ZNF827: variants seen among roughly 807,000 people sequenced by gnomAD.
The protein encoded by ZNF827 is zinc finger protein 827.
In ZNF827, 13 loss-of-function variants were observed where a neutral mutation model predicts 102.4. That is an observed-to-expected ratio of 0.13 (90% CI 0.08 to 0.20). The LOEUF is 0.20. Ranked by LOEUF, ZNF827 falls within the 10% of genes least tolerant of loss-of-function variation. ZNF827 has a pLI of 1.00. For synonymous variants in ZNF827, 523 were observed against 536.2 expected, an observed-to-expected ratio of 0.98 and a Z score of 0.34; for missense variants, 1,103 against 1,344.4, an observed-to-expected ratio of 0.82 and a Z score of 2.81.
At chr4:145,906,878 C>T (rs1751911453) in intron 1 of ZNF827, among the ~76,000 whole-genome samples, 1 of 152,192 alleles carries the variant, frequency 6.6e-6, no homozygotes, top group Non-Finnish European at 1.5e-5. Flanking sequence ...TGCAAGAAAA[C>T]TTGGATGCAT....
intron 7 of ZNF827, among the ~76,000 whole-genome samples, chr4:145,825,031 G>A (rs1257172984): frequency 6.6e-6 from 1 of 152,224 alleles, no homozygotes; most frequent in Non-Finnish European, 1.5e-5. Context: ...ACTGGCTATA[G>A]GCTAGTAGGA....
chr4:145,913,518 C>T (rs1477277266), intron 1 of ZNF827, among the ~76,000 whole-genome samples: 2 of 151,634 alleles, frequency 1.3e-5, no homozygotes, highest in Non-Finnish European at 2.9e-5. Context: ...TATACTCATC[C>T]TTACATCCTT....
chr4:145,913,412 T>A (rs1197230107), intron 1 of ZNF827, among the ~76,000 whole-genome samples: 1 of 108,302 alleles, frequency 9.2e-6, no homozygotes, highest in African/African-American at 4.2e-5. Context: ...GGCAACAGAG[T>A]GAGACCCTGT....
chr4:145,838,035 T>C lies in ZNF827; in HGVS notation c.2279+7921A>G, dbSNP rs184120208. ...ACACTATTTTGTTTTATTTTTCTTA[T>C]TAATATAAGAAGGCAGGAATGTCAG... On this transcript the variant is annotated intron_variant, in intron 7 of 14. Coordinates refer to ENST00000508784, the MANE Select transcript of ZNF827 (RefSeq NM_001306215.2). 9.6e-4 allele frequency among the ~76,000 whole-genome samples: 146 copies of C among 152,158 alleles called. 2 individuals are homozygous for C. Among genetic ancestry groups the C allele is most frequent in the African/African-American group, 3.4e-3 (143 of 41,484 alleles).
At position 145,768,914 on chromosome 4, in the gene ZNF827, T is replaced by TAA. The variant is rs1276060418; in HGVS notation, c.2861-3177_2861-3176insTT. On this transcript the variant is annotated intron_variant, in intron 11 of 14. Coordinates refer to ENST00000508784, the MANE Select transcript of ZNF827 (RefSeq NM_001306215.2). ...AAATATATATATATATATATATATA[T>TAA]ATTAGGTATACAAAGTTTGGAAATA... Among the ~76,000 whole-genome samples, 62 of 17,334 alleles carry TAA rather than the reference T, an allele frequency of 3.6e-3. 14 individuals are homozygous for TAA. The highest frequency in any genetic ancestry group is 0.026 in the East Asian group (7 of 272). The allele number at this position is 17,334 out of a possible 152,430, so 11.4% of individuals were successfully genotyped here. A position where few individuals can be genotyped will look rare whatever the true frequency, so the allele number is the denominator to read the frequency against.
At chr4:145,856,659 T>C (rs13117961) in intron 5 of ZNF827, among the ~76,000 whole-genome samples, 1 of 149,406 alleles carries the variant, frequency 6.7e-6, no homozygotes, top group Non-Finnish European at 1.5e-5. Context: ...CAGAAAACCA[T>C]ACAATGACCT....
rs373704392 is a variant in ZNF827, at chr4:145,912,170, T to A, written c.44-8955A>T. 3.1e-4 allele frequency among the ~76,000 whole-genome samples: 47 copies of A among 152,340 alleles called. No homozygotes were observed. In the South Asian group the frequency reaches 3.3e-3, roughly 11 times the overall value. ...TACGCAATATTTTCAAAATTTAATT[T>A]GATGGGATTTAAAAGTGCACACACA... On this transcript the variant is annotated intron_variant, in intron 1 of 14. Transcript: ENST00000508784.
chr4:145,836,262 A>ACAG (rs1382041979), intron 7 of ZNF827, among the ~76,000 whole-genome samples: 4 of 149,584 alleles, frequency 2.7e-5, no homozygotes, highest in African/African-American at 9.9e-5. Flanking sequence ...CTTCTACAAA[A>ACAG]CAACTCCTTT....
At chr4:145,897,476 C>T (rs957378756) in intron 2 of ZNF827, among the ~76,000 whole-genome samples, 3 of 152,148 alleles carry the variant, frequency 2.0e-5, no homozygotes, top group Non-Finnish European at 2.9e-5. Context: ...TGCATTATTA[C>T]GGTCTCCATT....
At chr4:145,802,947 TAA>T (rs1398115716) in intron 8 of ZNF827, among the ~76,000 whole-genome samples, 1 of 152,014 alleles carries the variant, frequency 6.6e-6, no homozygotes, top group African/African-American at 2.4e-5. Context: ...CTCACAAAAA[TAA>T]AAGAGTGAAA....
intron 8 of ZNF827, among the ~76,000 whole-genome samples, chr4:145,793,813 C>T (rs1740083667): frequency 6.6e-6 from 1 of 152,166 alleles, no homozygotes. Flanking sequence ...CTTCCCTCAG[C>T]AGAATCTTTG....
rs565117578 is a variant in ZNF827 at position 145,921,034 on chromosome 4, G to A, written c.43+17331C>T. On this transcript the variant is annotated intron_variant, in intron 1 of 14. Transcript: ENST00000508784. ...TGATAGAGCTATGGGAACCAGGGGA[G>A]GAGACGCCTAATTCTACCCAGCATG... Among the ~76,000 whole-genome samples, 7 of 152,334 alleles carry A rather than the reference G, an allele frequency of 4.6e-5. No individual in the cohort carries two copies. In the East Asian group the frequency reaches 1.4e-3, roughly 29 times the overall value.
chr4:145,913,254 C>T (rs1752421240), intron 1 of ZNF827, among the ~76,000 whole-genome samples: 1 of 151,946 alleles, frequency 6.6e-6, no homozygotes, highest in East Asian at 1.9e-4. Context: ...GGTGAAACCG[C>T]ATCTCTACCA....
rs9997500 is a variant in ZNF827 at position 145,886,853 on chromosome 4, A to G, written c.1267-695T>C. On this transcript the variant is annotated intron_variant, in intron 3 of 14. Coordinates refer to ENST00000508784, the MANE Select transcript of ZNF827 (RefSeq NM_001306215.2). ...CATGCTCCAGATTCTGACGTCTGCAATGAAAGAATGCAGACTTTTAAATCC... is the reference window on the plus strand; with the variant it reads ...CATGCTCCAGATTCTGACGTCTGCAGTGAAAGAATGCAGACTTTTAAATCC... 9.8e-3 allele frequency among the ~76,000 whole-genome samples: 1,499 copies of G among 152,368 alleles called. 22 individuals are homozygous for G. Among genetic ancestry groups the G allele is most frequent in the African/African-American group, 0.033 (1,369 of 41,588 alleles).
chr4:145,916,209 C>T (rs1380204307), intron 1 of ZNF827, among the ~76,000 whole-genome samples: 1 of 152,184 alleles, frequency 6.6e-6, no homozygotes, highest in Admixed American at 6.5e-5. Context: ...CAGCTCTGCC[C>T]CTCAGAAAGT....
At chr4:145,785,974 T>C (rs542760389) in intron 8 of ZNF827, among the ~76,000 whole-genome samples, 2 of 152,306 alleles carry the variant, frequency 1.3e-5, no homozygotes, top group East Asian at 1.9e-4. Context: ...AAGTGTAATA[T>C]GTCAAAACTT....
At chr4:145,905,188 T>C (rs1172204328) in intron 1 of ZNF827, among the ~76,000 whole-genome samples, 1 of 152,248 alleles carries the variant, frequency 6.6e-6, no homozygotes, top group East Asian at 1.9e-4. Flanking sequence ...CCTAGCACAA[T>C]GTCTGGTCCC....
chr4:145,878,063 G>A (rs572662986), intron 4 of ZNF827, among the ~76,000 whole-genome samples: 4 of 152,166 alleles, frequency 2.6e-5, no homozygotes, highest in Non-Finnish European at 5.9e-5. Flanking sequence ...ATCTCCTCTT[G>A]ACTGCTATAC....
At position 145,761,148 on chromosome 4, in the gene ZNF827, G is replaced by A; in HGVS notation, c.*468C>T. 1 of 1,289,818 alleles carries A rather than the reference G, an allele frequency of 7.8e-7. No homozygotes were observed. The highest frequency in any genetic ancestry group is 1.0e-6 in the Non-Finnish European group (1 of 988,838). The allele number at this position is 1,289,818 out of a possible 1,614,324, so 79.9% of individuals were successfully genotyped here. ...GGGCCCCCGGGCCGGCCGGTTCCTT[G>A]GGGGCTGGACACAGGCCCTTCTTGT... On this transcript the variant is annotated 3_prime_UTR_variant, in exon 15 of 15. Coordinates refer to ENST00000508784, the MANE Select transcript of ZNF827 (RefSeq NM_001306215.2). The surrounding 1 kb of genome is among the most constrained non-coding windows in gnomAD (Gnocchi z 6.8).
Sources: gnomAD v4.1 joint callset for allele counts (sites outside exome capture counted in the v4.1 genomes callset) on GRCh38, gnomAD v4.1.1 for gene constraint, Gnocchi (gnomAD v3.1) non-coding constraint, MANE v1.5 for transcripts, NCBI Gene and HGNC (gene_info 2026-07-23, HGNC 2026-07-21) for gene names.